CDK14: variants seen among roughly 807,000 people sequenced by gnomAD.
The protein encoded by CDK14 is cyclin dependent kinase 14.
In CDK14, 34 loss-of-function variants were observed where a neutral mutation model predicts 60.7. The observed-to-expected ratio is 0.56, with a 90% CI of 0.43 to 0.75. The LOEUF (loss-of-function observed/expected upper bound fraction) is 0.75. CDK14 is among the 30% of genes least tolerant of loss of function. The probability of loss-of-function intolerance (pLI) is 0.00; values close to 1 mark genes in which losing one functional copy is unlikely to be tolerated. For missense variants in CDK14, 482 were observed against 564.1 expected (o/e 0.85, Z 1.47); for synonymous variants, 197 against 203.7 (o/e 0.97, Z 0.28).
chr7:91,086,542 C>T (rs1252474796), intron 12 of CDK14, among the ~76,000 whole-genome samples: 1 of 152,134 alleles, frequency 6.6e-6, no homozygotes, highest in Non-Finnish European at 1.5e-5. Context: ...TCAGAAAACA[C>T]CGTAAAGGCT....
intron 14 of CDK14, among the ~76,000 whole-genome samples, chr7:91,190,158 A>G (rs1047957321): frequency 6.6e-6 from 1 of 152,204 alleles, no homozygotes; most frequent in Non-Finnish European, 1.5e-5. Flanking sequence ...ATATGTCCAA[A>G]TGTAGACATG....
At chr7:91,100,987 A>C (rs1415190596) in intron 12 of CDK14, among the ~76,000 whole-genome samples, 3 of 152,180 alleles carry the variant, frequency 2.0e-5, no homozygotes, top group African/African-American at 7.2e-5. Context: ...GGGGAGACCT[A>C]GCAGTGTAGA....
At chr7:91,006,911 A>G (rs1431050220) in intron 10 of CDK14, among the ~76,000 whole-genome samples, 2 of 152,108 alleles carry the variant, frequency 1.3e-5, no homozygotes, top group African/African-American at 2.4e-5. Flanking sequence ...GCTGTTACAT[A>G]TTTATCCCAC....
intron 14 of CDK14, among the ~76,000 whole-genome samples, chr7:91,145,791 C>G (rs564560120): frequency 2.0e-5 from 3 of 152,286 alleles, no homozygotes; most frequent in African/African-American, 7.2e-5. Context: ...TCCCAAACTC[C>G]TTAAGTCTAT....
At chr7:90,656,897 AAC>A (rs1265807666) in intron 2 of CDK14, among the ~76,000 whole-genome samples, 2 of 152,240 alleles carry the variant, frequency 1.3e-5, no homozygotes, top group South Asian at 2.1e-4. Flanking sequence ...ATAGTGGAAA[AAC>A]ACAGTCTGTT....
intron 2 of CDK14, among the ~76,000 whole-genome samples, chr7:90,655,911 A>T (rs758565388): frequency 2.6e-5 from 4 of 152,226 alleles, no homozygotes; most frequent in African/African-American, 9.6e-5. Context: ...GAGCCAGAAC[A>T]TATAAATTCC....
At chr7:91,050,869 C>G (rs1402299842) in intron 11 of CDK14, among the ~76,000 whole-genome samples, 1 of 152,134 alleles carries the variant, frequency 6.6e-6, no homozygotes, top group South Asian at 2.1e-4. Flanking sequence ...GAGGACTTCC[C>G]TAAAGTTAGT....
intron 1 of CDK14, among the ~76,000 whole-genome samples, chr7:90,601,157 T>A (rs996259117): frequency 6.6e-6 from 1 of 152,284 alleles, no homozygotes; most frequent in African/African-American, 2.4e-5. Context: ...TGATCTTAAA[T>A]ATTTTGATAT....
At chr7:90,864,961 A>G (rs1342407910) in intron 6 of CDK14, among the ~76,000 whole-genome samples, 3 of 152,122 alleles carry the variant, frequency 2.0e-5, no homozygotes, top group Non-Finnish European at 4.4e-5. Flanking sequence ...TACATCATAT[A>G]GATTACTCTT....
At chr7:90,864,085 C>T (rs944371698) in intron 6 of CDK14, among the ~76,000 whole-genome samples, 8 of 151,494 alleles carry the variant, frequency 5.3e-5, no homozygotes, top group Admixed American at 2.0e-4. Context: ...TTTGTAATTA[C>T]CACACTACTT....
intron 14 of CDK14, among the ~76,000 whole-genome samples, chr7:91,195,219 G>A (rs10260731): frequency 0.58 from 87,790 of 152,108 alleles, 25,718 homozygotes; most frequent in Admixed American, 0.64. Flanking sequence ...AGAGTATAGT[G>A]ACAAAGTTTT....
In CDK14 at chr7:90,604,203, C is replaced by A; in HGVS notation, c.92-15C>A. 1 of 1,509,970 alleles carries A rather than the reference C, an allele frequency of 6.6e-7. No individual in the cohort carries two copies. Among genetic ancestry groups the A allele is most frequent in the Non-Finnish European group, 9.0e-7 (1 of 1,115,596 alleles). The allele number at this position is 1,509,970 out of a possible 1,614,324, so 93.5% of individuals were successfully genotyped here. A position where few individuals can be genotyped will look rare whatever the true frequency, so the allele number is the denominator to read the frequency against. ...TTTTCACAATAACTGTTTCCTTTTC[C>A]TTCTTATTTTATAGCTTTGAAGAAA... On this transcript the variant is annotated splice_polypyrimidine_tract_variant and intron_variant, in intron 1 of 14. Coordinates refer to ENST00000380050, the MANE Select transcript of CDK14 (RefSeq NM_001287135.2).
intron 14 of CDK14, among the ~76,000 whole-genome samples, chr7:91,206,283 C>T (rs1802895748): frequency 6.6e-6 from 1 of 152,204 alleles, no homozygotes; most frequent in African/African-American, 2.4e-5. Context: ...AGGGTTCCCC[C>T]TGCATCTGGG....
At chr7:91,073,973 C>A (rs1230920959) in intron 11 of CDK14, among the ~76,000 whole-genome samples, 4 of 152,038 alleles carry the variant, frequency 2.6e-5, no homozygotes, top group Admixed American at 6.6e-5. Flanking sequence ...TATATATGTA[C>A]CCAATACAGG....
At chr7:90,974,168 C>T (rs140409998) in intron 9 of CDK14, among the ~76,000 whole-genome samples, 3 of 152,198 alleles carry the variant, frequency 2.0e-5, no homozygotes, top group East Asian at 1.9e-4. Flanking sequence ...AGGCTTTCTA[C>T]GAGAAGGAAA....
chr7:91,177,950 G>GA (rs1267770202), intron 14 of CDK14, among the ~76,000 whole-genome samples: 1 of 141,302 alleles, frequency 7.1e-6, no homozygotes, highest in Admixed American at 7.3e-5. Context: ...CACAGAATTG[G>GA]AAAAAACTAC....
chr7:91,039,661 A>G (rs1376120807), intron 10 of CDK14, among the ~76,000 whole-genome samples: 2 of 152,116 alleles, frequency 1.3e-5, no homozygotes, highest in Non-Finnish European at 2.9e-5. Flanking sequence ...CCATGCCAAA[A>G]TTTGCTCTCT....
intron 2 of CDK14, among the ~76,000 whole-genome samples, chr7:90,617,253 T>C (rs1267571079): frequency 6.6e-6 from 1 of 151,974 alleles, no homozygotes; most frequent in Non-Finnish European, 1.5e-5. Flanking sequence ...TGTGACTTGC[T>C]CAGAGTCCCT....
chr7:90,628,497 G>T (rs1258552561), intron 2 of CDK14, among the ~76,000 whole-genome samples: 1 of 152,102 alleles, frequency 6.6e-6, no homozygotes, highest in African/African-American at 2.4e-5. Flanking sequence ...AAACTTCAGT[G>T]TGGATGTGAA....
Sources: gnomAD v4.1 joint callset for allele counts (sites outside exome capture counted in the v4.1 genomes callset) on GRCh38, gnomAD v4.1.1 for gene constraint, MANE v1.5 for transcripts, NCBI Gene and HGNC (gene_info 2026-07-23, HGNC 2026-07-21) for gene names.